Variants in WWP2 observed in about 807,000 individuals in gnomAD.
The protein encoded by WWP2 is NEDD4-like E3 ubiquitin-protein ligase WWP2.
Under a neutral mutation model 121.0 loss-of-function variants are expected in WWP2, and 57 were observed. That is an observed-to-expected ratio of 0.47 (90% CI 0.38 to 0.59). The LOEUF is 0.59. WWP2 is among the 20% of genes least tolerant of loss of function. WWP2 has a pLI of 0.00. For missense variants in WWP2, 962 were observed against 1,158.9 expected (o/e 0.83, Z 2.47); for synonymous variants, 449 against 441.3 (o/e 1.02, Z -0.22).
intron 6 of WWP2, among the ~76,000 whole-genome samples, chr16:69,853,240 A>G (rs2057251499): frequency 6.6e-6 from 1 of 152,220 alleles, no homozygotes; most frequent in Non-Finnish European, 1.5e-5. Context: ...AGATGCTTAT[A>G]AAAGTCACTG....
rs114476301 is a variant in WWP2 at position 69,901,793 on chromosome 16, G to T, written c.915-6968G>T. Among the ~76,000 whole-genome samples, 1,212 of 152,150 alleles carry T rather than the reference G, an allele frequency of 8.0e-3. 17 individuals carry two copies. Among genetic ancestry groups the T allele is most frequent in the African/African-American group, 0.027 (1,102 of 41,506 alleles). On this transcript the variant is annotated intron_variant, in intron 8 of 23. Coordinates refer to ENST00000359154, the MANE Select transcript of WWP2 (RefSeq NM_001270454.2). Reference sequence around the variant, plus strand: ...TCAATTTATAAGGGCCACTTGAAAAGAATTGCTGTTAGCCAGGCGTGGTGG... The same window carrying T: ...TCAATTTATAAGGGCCACTTGAAAATAATTGCTGTTAGCCAGGCGTGGTGG...
chr16:69,935,648 G>A lies in WWP2; in HGVS notation c.1843-205G>A, dbSNP rs1350136097. 6.6e-6 allele frequency among the ~76,000 whole-genome samples: 1 copy of A among 152,204 alleles called. No homozygotes were observed. The highest frequency in any genetic ancestry group is 2.4e-5 in the African/African-American group (1 of 41,458). On this transcript the variant is annotated intron_variant, in intron 17 of 23. Coordinates refer to ENST00000359154, the MANE Select transcript of WWP2 (RefSeq NM_001270454.2). The surrounding 1 kb of genome is among the most constrained non-coding windows in gnomAD (Gnocchi z 5.2). ...TCCTTGCGGTCTGCAGGGCAGGGTG[G>A]GAGTCCCTCTGTAGGTACAAGTCAG... is the stretch of plus-strand genomic sequence containing the variant.
At chr16:69,786,902 C>G (rs1045641663) in intron 1 of WWP2, 94 bp from the exon 2 acceptor site, 4 of 1,121,484 alleles carry the variant, frequency 3.6e-6, no homozygotes, top group Admixed American at 2.4e-5. Context: ...TATTTTCTTG[C>G]CTGTTTCTTT....
intron 7 of WWP2, among the ~76,000 whole-genome samples, chr16:69,877,108 A>G (rs1006988298): frequency 2.6e-5 from 4 of 152,198 alleles, no homozygotes; most frequent in African/African-American, 7.2e-5. Flanking sequence ...CTCTTTATCT[A>G]TGAATGTCCA....
rs2151999679 is a variant in WWP2, at chr16:69,937,226, G to A, written c.2226G>A (p.Glu742=). ...APLEWLRYFD[E]KELELMLCGM... is the part of the protein sequence containing the mutation. The stretch of plus-strand genomic sequence containing the variant: ...TGGAGTGGCTGCGCTACTTTGACGA[G>A]AAAGAGCTGGAGGTGAGTGTCTGAG... The change falls in exon 20 of 24, where the codon GAG becomes GAA. Residue 742 remains glutamate (E), a synonymous_variant. Transcript: ENST00000359154. The surrounding 1 kb of genome is among the most constrained non-coding windows in gnomAD (Gnocchi z 6.6). 1 of 1,613,706 alleles carries A rather than the reference G, an allele frequency of 6.2e-7. No homozygotes were observed. The highest frequency in any genetic ancestry group is 8.5e-7 in the Non-Finnish European group (1 of 1,179,966).
chr16:69,775,722 C>G (rs1305110700), intron 1 of WWP2, among the ~76,000 whole-genome samples: 1 of 152,136 alleles, frequency 6.6e-6, no homozygotes, highest in East Asian at 1.9e-4. Context: ...TGTAATTTTT[C>G]ATTGAGAGCT....
At chr16:69,923,429 A>T (rs77533998) in intron 10 of WWP2, among the ~76,000 whole-genome samples, 12 of 142,744 alleles carry the variant, frequency 8.4e-5, no homozygotes, top group Non-Finnish European at 1.2e-4. Context: ...GATTTTTTTT[A>T]AAAGGCAAGG....
chr16:69,787,378 C>A, intron 2 of WWP2, among the ~76,000 whole-genome samples: 1 of 152,094 alleles, frequency 6.6e-6, no homozygotes, highest in Non-Finnish European at 1.5e-5. Context: ...CCCTTAAGCC[C>A]AGAGTTTCAA....
chr16:69,863,371 G>T (rs546075044), intron 6 of WWP2, among the ~76,000 whole-genome samples: 1 of 152,270 alleles, frequency 6.6e-6, no homozygotes, highest in South Asian at 2.1e-4. Flanking sequence ...TGGGCGTGAT[G>T]GCTCATGCCT....
intron 8 of WWP2, chr16:69,894,826 T>A (rs957469732): frequency 3.3e-5 from 5 of 152,200 alleles, no homozygotes; most frequent in African/African-American, 1.2e-4. Context: ...TCCCTTACAG[T>A]CTTTGCAGCT....
intron 7 of WWP2, among the ~76,000 whole-genome samples, chr16:69,876,279 A>G (rs1307600394): frequency 1.3e-5 from 2 of 151,212 alleles, no homozygotes; most frequent in Non-Finnish European, 2.9e-5. Flanking sequence ...GGCCACATCC[A>G]TCAGAGGAAT....
intron 2 of WWP2, among the ~76,000 whole-genome samples, chr16:69,789,617 C>T (rs905000323): frequency 3.3e-5 from 5 of 152,184 alleles, no homozygotes; most frequent in African/African-American, 1.2e-4. Flanking sequence ...TTCCAAGATA[C>T]ACCAAAAGGG....
At chr16:69,905,847 G>T (rs1005220544) in intron 8 of WWP2, among the ~76,000 whole-genome samples, 1 of 152,162 alleles carries the variant, frequency 6.6e-6, no homozygotes. Flanking sequence ...CATGGGCTTG[G>T]GGGGCAGAGC....
At chr16:69,867,511 G>T (rs1408408068) in intron 6 of WWP2, among the ~76,000 whole-genome samples, 1 of 152,154 alleles carries the variant, frequency 6.6e-6, no homozygotes, top group Admixed American at 6.5e-5. Context: ...GGCTGTCAGG[G>T]TGTAGCTGAG....
rs57651000 is a variant in WWP2 at position 69,778,192 on chromosome 16, AT to A, written c.-15-8791del. Among the ~76,000 whole-genome samples the A allele has an allele frequency of 7.7e-3, 970 of 125,624 alleles. 12 individuals are homozygous for A. Among genetic ancestry groups the A allele is most frequent in the African/African-American group, 0.025 (796 of 31,542 alleles). The allele number at this position is 125,624 out of a possible 152,430, so 82.4% of individuals were successfully genotyped here. The stretch of plus-strand genomic sequence containing the variant: ...TAAATAAATATATATATATATATAT[AT>A]TTTTTTTTTTTTGAGAAATTTCAAT... On this transcript the variant is annotated intron_variant, in intron 1 of 23. Coordinates refer to ENST00000359154, the MANE Select transcript of WWP2 (RefSeq NM_001270454.2).
chr16:69,884,583 G>A lies in WWP2; in HGVS notation c.704-3456G>A, dbSNP rs2057889937. 2.0e-5 allele frequency among the ~76,000 whole-genome samples: 3 copies of A among 152,138 alleles called. No individual in the cohort carries two copies. The South Asian group carries it at 6.2e-4, about 31-fold the overall frequency. On this transcript the variant is annotated intron_variant, in intron 7 of 23. Transcript: ENST00000359154. ...GTCAAGGCTGCAGTGAGCCATAATTGTGCCACTGCACTCCAGCCTGGGTGA... is the reference window on the plus strand; with the variant it reads ...GTCAAGGCTGCAGTGAGCCATAATTATGCCACTGCACTCCAGCCTGGGTGA...
chr16:69,812,831 T>C (rs1364309748), intron 4 of WWP2, among the ~76,000 whole-genome samples: 1 of 152,096 alleles, frequency 6.6e-6, no homozygotes, highest in African/African-American at 2.4e-5. Context: ...TCACTTAGGG[T>C]GCTGTGTGTC....
intron 4 of WWP2, among the ~76,000 whole-genome samples, chr16:69,833,858 A>T (rs1167411904): frequency 6.6e-6 from 1 of 151,996 alleles, no homozygotes; most frequent in South Asian, 2.1e-4. Context: ...ATTCCAAGAG[A>T]TCAGTGGCCC....
At chr16:69,826,954 AG>A (rs66938317) in intron 4 of WWP2, among the ~76,000 whole-genome samples, 1,650 of 110,378 alleles carry the variant, frequency 0.015, 52 homozygotes, top group African/African-American at 0.043. Flanking sequence ...AAAAAAAAAA[AG>A]GGGGGGGGGC....
Sources: allele counts gnomAD v4.1 joint callset (sites outside exome capture counted in the v4.1 genomes callset), GRCh38; gene constraint gnomAD v4.1.1; non-coding constraint Gnocchi (gnomAD v3.1); transcripts MANE v1.5; gene names NCBI Gene and HGNC (gene_info 2026-07-23, HGNC 2026-07-21).